Variants in KIAA0825 observed in about 807,000 individuals in gnomAD.
KIAA0825 encodes the protein KIAA0825.
A neutral mutation model predicts 147.6 loss-of-function variants in KIAA0825; 119 were observed. The observed-to-expected ratio is 0.81, with a 90% CI of 0.69 to 0.94. KIAA0825 has a LOEUF of 0.94. Among genes scored for constraint, KIAA0825 ranks in the 40% least tolerant of loss-of-function variants. The probability of loss-of-function intolerance (pLI) is 0.00; values close to 1 mark genes in which losing one functional copy is unlikely to be tolerated. For synonymous variants in KIAA0825, 470 were observed against 518.1 expected (o/e 0.91, Z 1.26); for missense variants, 1,381 against 1,472.7 (o/e 0.94, Z 1.02).
In KIAA0825 at chr5:94,612,895, T is replaced by A. The variant is rs185228106; in HGVS notation, c.-153+5605A>T. On this transcript the variant is annotated intron_variant, in intron 1 of 20. Transcript: ENST00000682413. ...AACAAAACTAGAGACCTTAATAATT[T>A]TTTTCTGATGCTTGTGTACCTACAC... Among the ~76,000 whole-genome samples the A allele has an allele frequency of 2.6e-5, 4 of 152,272 alleles. No homozygotes were observed. The East Asian group carries it at 7.7e-4, about 29-fold the overall frequency.
chr5:94,163,257 C>T (rs1370506785), intron 20 of KIAA0825, among the ~76,000 whole-genome samples: 5 of 152,130 alleles, frequency 3.3e-5, no homozygotes, highest in African/African-American at 9.7e-5. Flanking sequence ...TAGCAAAGTA[C>T]TTAATTTAGG....
chr5:94,262,277 T>G (rs1490140837), intron 20 of KIAA0825, among the ~76,000 whole-genome samples: 1 of 152,006 alleles, frequency 6.6e-6, no homozygotes, highest in Admixed American at 6.6e-5. Flanking sequence ...GATTTAAAAG[T>G]TTGAAAATGT....
intron 15 of KIAA0825, among the ~76,000 whole-genome samples, chr5:94,410,901 C>T (rs1276645973): frequency 4.5e-5 from 4 of 88,922 alleles, no homozygotes; most frequent in African/African-American, 1.7e-4. Flanking sequence ...ATTGGAAACT[C>T]AGATCTACAC....
intron 20 of KIAA0825, among the ~76,000 whole-genome samples, chr5:94,160,001 G>A (rs939117833): frequency 1.3e-5 from 2 of 152,280 alleles, no homozygotes; most frequent in South Asian, 4.1e-4. Flanking sequence ...GAGGAGTGAA[G>A]AGTAAAGTCA....
intron 5 of KIAA0825, among the ~76,000 whole-genome samples, chr5:94,515,884 T>G (rs1767158749): frequency 1.3e-5 from 2 of 152,030 alleles, no homozygotes; most frequent in Non-Finnish European, 2.9e-5. Flanking sequence ...CTCTGAAAAC[T>G]TTGTAAGAGT....
chr5:94,172,145 A>C (rs1282952386), intron 20 of KIAA0825, among the ~76,000 whole-genome samples: 2 of 152,156 alleles, frequency 1.3e-5, no homozygotes. Context: ...GAGTGGAAAA[A>C]GTATTAGAGA....
intron 3 of KIAA0825, among the ~76,000 whole-genome samples, chr5:94,532,445 A>T (rs1032528872): frequency 2.0e-5 from 3 of 151,856 alleles, no homozygotes; most frequent in Admixed American, 2.0e-4. Flanking sequence ...ATGAGCCCCC[A>T]CCCGACCTGG....
chr5:94,298,928 C>T (rs1778259482), intron 20 of KIAA0825, among the ~76,000 whole-genome samples: 1 of 152,102 alleles, frequency 6.6e-6, no homozygotes, highest in African/African-American at 2.4e-5. Context: ...CCTTTTTTAT[C>T]AGCTCTTAGG....
In KIAA0825 at chr5:94,510,515, A is replaced by G. The variant is rs1460943157; in HGVS notation, c.970+9733T>C. On this transcript the variant is annotated intron_variant, in intron 5 of 20. Transcript: ENST00000682413. ...AGGTTTTGTTTTTGATTGAGACAACAACATACTTACTTACCCTACATCATT... is the reference window on the plus strand; with the variant it reads ...AGGTTTTGTTTTTGATTGAGACAACGACATACTTACTTACCCTACATCATT... Among the ~76,000 whole-genome samples the G allele has an allele frequency of 2.6e-5, 4 of 152,058 alleles. No homozygotes were observed. The Admixed American group carries it at 2.6e-4, about 10-fold the overall frequency.
intron 14 of KIAA0825, among the ~76,000 whole-genome samples, chr5:94,432,075 G>A (rs1419119174): frequency 6.6e-6 from 1 of 152,174 alleles, no homozygotes; most frequent in Non-Finnish European, 1.5e-5. Context: ...ATTCATAATA[G>A]TTCATAATAA....
chr5:94,444,185 G>A (rs1466101433), intron 13 of KIAA0825, among the ~76,000 whole-genome samples: 1 of 152,128 alleles, frequency 6.6e-6, no homozygotes, highest in African/African-American at 2.4e-5. Context: ...AGCTCTGGAG[G>A]AGCAGAGGTT....
chr5:94,384,807 A>G (rs900935018), intron 19 of KIAA0825, among the ~76,000 whole-genome samples: 1 of 152,220 alleles, frequency 6.6e-6, no homozygotes, highest in Non-Finnish European at 1.5e-5. Context: ...TTCATACATC[A>G]TATCAATTTA....
intron 12 of KIAA0825, among the ~76,000 whole-genome samples, chr5:94,456,324 A>G (rs186313688): frequency 3.5e-4 from 53 of 152,302 alleles, no homozygotes; most frequent in African/African-American, 1.2e-3. Context: ...AAGTAGCTCC[A>G]TAGATTGCTC....
At chr5:94,216,228 G>A (rs1672912244) in intron 20 of KIAA0825, among the ~76,000 whole-genome samples, 1 of 152,136 alleles carries the variant, frequency 6.6e-6, no homozygotes, top group Non-Finnish European at 1.5e-5. Flanking sequence ...CTCTCCAATT[G>A]GAGGGAGAAG....
intron 20 of KIAA0825, among the ~76,000 whole-genome samples, chr5:94,255,707 C>CCTTT (rs1776213457): frequency 2.1e-5 from 1 of 47,798 alleles, no homozygotes; most frequent in Non-Finnish European, 3.8e-5. Context: ...AGAATTATGG[C>CCTTT]TTTTTTTTTT....
chr5:94,424,448 G>C (rs1225037479), intron 14 of KIAA0825, among the ~76,000 whole-genome samples: 1 of 151,760 alleles, frequency 6.6e-6, no homozygotes, highest in African/African-American at 2.4e-5. Flanking sequence ...AAATTAAAGA[G>C]AAAATTTAAA....
At chr5:94,396,078 A>G (rs756145398) in intron 17 of KIAA0825, 23 bp downstream of exon 17, 303 of 1,412,910 alleles carry the variant, frequency 2.1e-4, no homozygotes, top group Non-Finnish European at 2.3e-4. Context: ...ATGAAATCCA[A>G]TAAGAGAAAA....
intron 20 of KIAA0825, among the ~76,000 whole-genome samples, chr5:94,185,595 T>A (rs1467872113): frequency 6.6e-6 from 1 of 152,196 alleles, no homozygotes; most frequent in East Asian, 1.9e-4. Context: ...CTGGTCTTAT[T>A]TCAGCAATTG....
At chr5:94,542,336 A>G (rs1024642902) in intron 2 of KIAA0825, among the ~76,000 whole-genome samples, 3 of 152,252 alleles carry the variant, frequency 2.0e-5, no homozygotes, top group Non-Finnish European at 4.4e-5. Flanking sequence ...GTTTTTCAGA[A>G]TCAAGAAAAC....
Sources: gnomAD v4.1 joint callset for allele counts (sites outside exome capture counted in the v4.1 genomes callset) on GRCh38, gnomAD v4.1.1 for gene constraint, MANE v1.5 for transcripts, NCBI Gene and HGNC (gene_info 2026-07-23, HGNC 2026-07-21) for gene names.